Variants in RARB observed in about 807,000 individuals in gnomAD.
RARB encodes retinoic acid receptor beta.
In RARB, 17 loss-of-function variants were observed where a neutral mutation model predicts 51.9. That is an observed-to-expected ratio of 0.33 (90% CI 0.22 to 0.49). RARB has a LOEUF of 0.49. RARB is among the 20% of genes least tolerant of loss of function. The pLI, the probability that RARB is intolerant of heterozygous loss-of-function variation, is 0.99. For synonymous variants in RARB, 215 were observed against 195.4 expected, an observed-to-expected ratio of 1.10 and a Z score of -0.84; for missense variants, 369 against 550.8, an observed-to-expected ratio of 0.67 and a Z score of 3.30.
At chr3:24,851,727 A>T (rs2068901) in intron 1 of RARB, among the ~76,000 whole-genome samples, 46,701 of 152,076 alleles carry the variant, frequency 0.31, 9,114 homozygotes, top group Admixed American at 0.41. Context: ...GCTATGAAGT[A>T]TGTTTCATTT....
chr3:24,982,774 G>C (rs1367181837), intron 2 of RARB, among the ~76,000 whole-genome samples: 3 of 152,162 alleles, frequency 2.0e-5, no homozygotes, highest in Non-Finnish European at 2.9e-5. Flanking sequence ...TTTTAGAAAT[G>C]TGTTGGAGTG....
At chr3:25,078,916 C>T (rs1431401409) in intron 3 of RARB, among the ~76,000 whole-genome samples, 4 of 152,170 alleles carry the variant, frequency 2.6e-5, no homozygotes, top group Admixed American at 2.0e-4. Flanking sequence ...GCTTGTCGAA[C>T]TCTACAAAGG....
intron 2 of RARB, among the ~76,000 whole-genome samples, chr3:24,883,859 A>G (rs888245418): frequency 6.6e-6 from 1 of 152,136 alleles, no homozygotes; most frequent in South Asian, 2.1e-4. Context: ...AGTTGCTAGT[A>G]TTTTAATACT....
At chr3:25,313,951 G>T (rs1704351885) in intron 5 of RARB, among the ~76,000 whole-genome samples, 2 of 151,944 alleles carry the variant, frequency 1.3e-5, no homozygotes, top group Non-Finnish European at 2.9e-5. Context: ...TGCATCTGTA[G>T]CCTCAGATAC....
intron 4 of RARB, among the ~76,000 whole-genome samples, chr3:25,172,200 G>T (rs1394468066): frequency 6.6e-6 from 1 of 152,172 alleles, no homozygotes; most frequent in Non-Finnish European, 1.5e-5. Flanking sequence ...TGTCATCTAA[G>T]TGAGGACAGA....
intron 5 of RARB, among the ~76,000 whole-genome samples, chr3:25,592,909 G>C (rs1575549567): frequency 1.3e-5 from 2 of 152,198 alleles, no homozygotes; most frequent in South Asian, 4.1e-4. Flanking sequence ...CGTGTGATCA[G>C]AGGCATCATG....
At chr3:25,552,400 G>C (rs957729227) in intron 3 of RARB, among the ~76,000 whole-genome samples, 1 of 152,070 alleles carries the variant, frequency 6.6e-6, no homozygotes, top group Non-Finnish European at 1.5e-5. Flanking sequence ...AAATGGCTGG[G>C]GTTGGGGGAG....
chr3:25,544,654 A>G (rs541646875), intron 3 of RARB, among the ~76,000 whole-genome samples: 20 of 152,314 alleles, frequency 1.3e-4, no homozygotes, highest in African/African-American at 4.6e-4. Flanking sequence ...TGTCTGGCTC[A>G]TTTGACATGG....
chr3:25,171,643 T>TAAAAAAAAAAA (rs770248970), intron 4 of RARB, among the ~76,000 whole-genome samples: 26,117 of 44,892 alleles, frequency 0.58, 10,329 homozygotes, highest in Admixed American at 0.7. Flanking sequence ...CCCTGGTTGG[T>TAAAAAAAAAAA]AAAAAAAAAA....
intron 5 of RARB, among the ~76,000 whole-genome samples, chr3:25,258,655 G>A (rs547446431): frequency 1.1e-4 from 16 of 152,180 alleles, no homozygotes; most frequent in Admixed American, 9.2e-4. Context: ...ATTTATAAAG[G>A]AAAGAGGTTG....
intron 4 of RARB, among the ~76,000 whole-genome samples, chr3:25,132,267 G>T (rs1699966046): frequency 6.6e-6 from 1 of 151,752 alleles, no homozygotes; most frequent in Admixed American, 6.6e-5. Context: ...ATGTTTAATA[G>T]CAGCAATTGC....
intron 2 of RARB, among the ~76,000 whole-genome samples, chr3:24,897,982 A>C (rs1308339385): frequency 1.3e-5 from 2 of 152,174 alleles, no homozygotes; most frequent in African/African-American, 4.8e-5. Flanking sequence ...GGTGTTGAGA[A>C]AGTTAGTCCA....
At chr3:25,356,497 CAG>C (rs1285491739) in intron 5 of RARB, among the ~76,000 whole-genome samples, 4 of 151,056 alleles carry the variant, frequency 2.6e-5, no homozygotes, top group Non-Finnish European at 4.4e-5. Context: ...AAAATAGAAA[CAG>C]AGCTTAGATT....
intron 3 of RARB, among the ~76,000 whole-genome samples, chr3:25,524,603 T>A (rs1423149976): frequency 6.7e-6 from 1 of 149,148 alleles, no homozygotes; most frequent in East Asian, 1.9e-4. Flanking sequence ...TACCCTTCTC[T>A]TCCCCCCTCC....
chr3:25,264,179 T>A (rs73821773), intron 5 of RARB, among the ~76,000 whole-genome samples: 1 of 152,138 alleles, frequency 6.6e-6, no homozygotes, highest in Non-Finnish European at 1.5e-5. Context: ...GCCAATGATA[T>A]TTTTCACTGA....
intron 2 of RARB, among the ~76,000 whole-genome samples, chr3:24,908,978 C>T (rs888824390): frequency 7.9e-5 from 12 of 152,240 alleles, no homozygotes; most frequent in African/African-American, 2.6e-4. Context: ...TTGCTGAAGA[C>T]TTCAGTAGAA....
chr3:24,954,183 C>G (rs1295270922), intron 2 of RARB, among the ~76,000 whole-genome samples: 1 of 152,130 alleles, frequency 6.6e-6, no homozygotes, highest in African/African-American at 2.4e-5. Flanking sequence ...TGTGAGGCCA[C>G]TCAATTCTTG....
chr3:25,581,992 C>T (rs1302917361), intron 5 of RARB, among the ~76,000 whole-genome samples: 3 of 151,986 alleles, frequency 2.0e-5, no homozygotes, highest in Admixed American at 6.5e-5. Context: ...GGGGGTGGTG[C>T]AAGATCGGGG....
intron 2 of RARB, among the ~76,000 whole-genome samples, chr3:24,881,814 G>GA (rs1291874835): frequency 6.6e-6 from 1 of 152,100 alleles, no homozygotes; most frequent in African/African-American, 2.4e-5. Context: ...GATGACTGCT[G>GA]AAAATAATCA....
Sources: gnomAD v4.1 joint callset for allele counts (sites outside exome capture counted in the v4.1 genomes callset) on GRCh38, gnomAD v4.1.1 for gene constraint, MANE v1.5 for transcripts, NCBI Gene and HGNC (gene_info 2026-07-23, HGNC 2026-07-21) for gene names.